The following SPTBN2 variants were observed in gnomAD, a reference collection of about 807,000 sequenced individuals.
The protein encoded by SPTBN2 is spectrin beta, non-erythrocytic 2.
Under a neutral mutation model 284.2 loss-of-function variants are expected in SPTBN2, and 107 were observed. That is an observed-to-expected ratio of 0.38 (90% confidence interval 0.32 to 0.44). SPTBN2 has a LOEUF of 0.44. Ranked by LOEUF, SPTBN2 falls within the 20% of genes least tolerant of loss-of-function variation. The pLI, the probability that SPTBN2 is intolerant of heterozygous loss-of-function variation, is 1.00. For missense variants in SPTBN2, 2,569 were observed against 3,287.1 expected, an observed-to-expected ratio of 0.78 and a Z score of 5.34; for synonymous variants, 1,289 against 1,354.8, an observed-to-expected ratio of 0.95 and a Z score of 1.07.
chr11:66,686,896 C>T (rs1345505641), intron 36 of SPTBN2, 98 bp downstream of exon 36: 5 of 1,544,734 alleles, frequency 3.2e-6, no homozygotes, highest in African/African-American at 2.7e-5. Context: ...CACTCAGGCT[C>T]CTTACAGGAA....
At chr11:66,686,602 T>A (rs1006268256) in intron 36 of SPTBN2, 162 bp from the exon 37 acceptor site, 10 of 795,166 alleles carry the variant, frequency 1.3e-5, no homozygotes, top group Admixed American at 8.4e-5. Context: ...TTCCCCAGAC[T>A]GTGCAGAAGC....
intron 1 of SPTBN2, among the ~76,000 whole-genome samples, chr11:66,734,375 A>G (rs1565166295): frequency 1.3e-5 from 2 of 152,164 alleles, no homozygotes; most frequent in Non-Finnish European, 2.9e-5. Flanking sequence ...CAAAGTCCAA[A>G]GTTCTTAACC....
At position 66,715,873 on chromosome 11, in the gene SPTBN2, C is replaced by T. The variant is rs374485184; in HGVS notation, c.266G>A (p.Arg89His). ...GDLYSDLRDG[R>H]NLLRLLEVLS... ...CACCTCGAGGAGCCTCAGCAGGTTG[C>T]GTCCGTCCCGGAGGTCGCTGTACAG... The change falls in exon 4 of 38, where the codon CGC becomes CAC. Residue 89 changes from arginine to histidine, a missense_variant. Coordinates refer to ENST00000533211, the MANE Select transcript of SPTBN2 (RefSeq NM_006946.4). This position sits in a 1 kb window ranked among gnomAD's most constrained non-coding sequence, Gnocchi z 5.3. 1.4e-5 allele frequency: 23 copies of T among 1,614,104 alleles called. No individual in the cohort carries two copies. The highest frequency in any genetic ancestry group is 1.7e-4 in the Middle Eastern group (1 of 6,060).
At chr11:66,738,848 G>C (rs1482488626) in intron 1 of SPTBN2, among the ~76,000 whole-genome samples, 1 of 148,572 alleles carries the variant, frequency 6.7e-6, no homozygotes, top group Non-Finnish European at 1.5e-5. Flanking sequence ...GTCTCACTCT[G>C]TTGCCCAGGC....
At chr11:66,742,588 T>C (rs1282804314) in intron 1 of SPTBN2, among the ~76,000 whole-genome samples, 2 of 151,990 alleles carry the variant, frequency 1.3e-5, no homozygotes, top group Admixed American at 6.6e-5. Context: ...GAGCATTTTC[T>C]GCTGGGCCAA....
Position 66,693,679 on chromosome 11 carries a change from C to A in SPTBN2, c.4593+93G>T. Reference sequence around the variant, plus strand: ...AGCCACTGAAGTCCAGGGTTACACTCAGCATCGAGGGGGGCCTGGTCTTAA... The same window carrying A: ...AGCCACTGAAGTCCAGGGTTACACTAAGCATCGAGGGGGGCCTGGTCTTAA... On this transcript the variant is annotated intron_variant, in intron 23 of 37. Transcript: ENST00000533211. The surrounding 1 kb of genome is among the most constrained non-coding windows in gnomAD (Gnocchi z 5.7). 2 of 1,371,568 alleles carry A rather than the reference C, an allele frequency of 1.5e-6. No homozygotes were observed. The allele number at this position is 1,371,568 out of a possible 1,614,324, so 85.0% of individuals were successfully genotyped here.
Position 66,683,063 on chromosome 11 carries a change from ATT to A in SPTBN2, c.*2806_*2807del, listed in dbSNP as rs55950324. Reference sequence around the variant, plus strand: ...ACCACCATGCCTGGCCAAGTAATCCATTTTTTTTTTTTTTTTTTTTTTGAGAT... The same window carrying A: ...ACCACCATGCCTGGCCAAGTAATCCATTTTTTTTTTTTTTTTTTTTGAGAT... On this transcript the variant is annotated 3_prime_UTR_variant, in exon 38 of 38. Coordinates refer to ENST00000533211, the MANE Select transcript of SPTBN2 (RefSeq NM_006946.4). Among the ~76,000 whole-genome samples, 1 of 95,728 alleles carries A rather than the reference ATT, an allele frequency of 1.0e-5. No individual in the cohort carries two copies. The highest frequency in any genetic ancestry group is 4.5e-5 in the African/African-American group (1 of 22,258). The allele number at this position is 95,728 out of a possible 152,430, so 62.8% of individuals were successfully genotyped here.
chr11:66,704,887 G>T lies in SPTBN2; in HGVS notation c.2389C>A (p.Arg797=). The T allele has an allele frequency of 1.2e-6, 2 of 1,611,334 alleles. No individual in the cohort carries two copies. The highest frequency in any genetic ancestry group is 1.1e-5 in the South Asian group (1 of 91,088). ...RQHRALEEEI[R]SHRPTLDALR... ...GCGTCCAGGGTTGGCCGGTGGCTTC[G>T]AATCTCCTCCTCCAGGGCCCGATGC... Residue 797 remains arginine, a synonymous_variant, in exon 15 of 38, where the codon CGA becomes AGA. Coordinates refer to ENST00000533211, the MANE Select transcript of SPTBN2 (RefSeq NM_006946.4).
chr11:66,716,703 A>C (rs1034193066), intron 3 of SPTBN2, among the ~76,000 whole-genome samples: 8 of 152,300 alleles, frequency 5.3e-5, no homozygotes, highest in Non-Finnish European at 1.0e-4. Context: ...TGTTGATTAA[A>C]TGAGATAAGG....
rs200427839 is a variant in SPTBN2 at position 66,700,702 on chromosome 11, G to A, written c.3397C>T (p.Arg1133Trp). ...AGGCACTGGGGGTCAGCCTGGTCCCGGGTCACCTCCTCGCCCAGGGCTCGC... is the reference window on the plus strand; with the variant it reads ...AGGCACTGGGGGTCAGCCTGGTCCCAGGTCACCTCCTCGCCCAGGGCTCGC... ...RLRALGEEVT[R>W]DQADPQCLFL... The change falls in exon 17 of 38, where the codon CGG (arginine) becomes TGG (tryptophan). Residue 1133 changes from arginine to tryptophan, a missense_variant. By Grantham distance (101) the Arg-to-Trp change is moderately radical. This residue lies in a region of SPTBN2 where 1,012 missense variants were observed against 1,248.9 expected (regional missense o/e 0.81). Transcript: ENST00000533211. This position sits in a 1 kb window ranked among gnomAD's most constrained non-coding sequence, Gnocchi z 6.6. 155 of 1,605,386 alleles carry A rather than the reference G, an allele frequency of 9.7e-5. No homozygotes were observed. The highest frequency in any genetic ancestry group is 6.7e-4 in the East Asian group (30 of 44,868).
chr11:66,725,169 C>G (rs925969060), intron 1 of SPTBN2, among the ~76,000 whole-genome samples: 2 of 152,212 alleles, frequency 1.3e-5, no homozygotes, highest in East Asian at 1.9e-4. Flanking sequence ...GATCAGGAAC[C>G]AAGCTGGCAC....
Position 66,708,979 on chromosome 11 carries a change from T to C in SPTBN2, c.1114A>G (p.Ile372Val), listed in dbSNP as rs1941714724. The part of the protein sequence containing the change: ...KGNLEVLLFT[I>V]QSKLRANNQK... ...TTGTTGGCCCGAAGCTTGCTCTGGA[T>C]GGTGAAGAGCAGCACTTCCAAGTTC... The change falls in exon 11 of 38, where the codon ATC (isoleucine) becomes GTC (valine). Residue 372 changes from isoleucine to valine, a missense_variant. Ile to Val is a conservative substitution (Grantham distance 29). Coordinates refer to ENST00000533211, the MANE Select transcript of SPTBN2 (RefSeq NM_006946.4). This position sits in a 1 kb window ranked among gnomAD's most constrained non-coding sequence, Gnocchi z 4.4. 6.2e-7 allele frequency: 1 copy of C among 1,613,802 alleles called. No individual in the cohort carries two copies. The highest frequency in any genetic ancestry group is 1.3e-5 in the African/African-American group (1 of 74,936).
At position 66,691,664 on chromosome 11, in the gene SPTBN2, A is replaced by G. The variant is rs776853240; in HGVS notation, c.5191-6T>C. On this transcript the variant is annotated splice_polypyrimidine_tract_variant and splice_region_variant and intron_variant, in intron 26 of 37. Coordinates refer to ENST00000533211, the MANE Select transcript of SPTBN2 (RefSeq NM_006946.4). The surrounding 1 kb of genome is among the most constrained non-coding windows in gnomAD (Gnocchi z 8.0). Reference sequence around the variant, plus strand: ...CGGAATTTGTCTCGGAGCATCTGGTAGAGGAAGCAGATGGACAGACCATGC... The same window carrying G: ...CGGAATTTGTCTCGGAGCATCTGGTGGAGGAAGCAGATGGACAGACCATGC... 8.7e-6 allele frequency: 14 copies of G among 1,613,514 alleles called. No homozygotes were observed. Among genetic ancestry groups the G allele is most frequent in the African/African-American group, 1.3e-5 (1 of 75,068 alleles).
chr11:66,743,270 C>G (rs991057359), intron 1 of SPTBN2, among the ~76,000 whole-genome samples: 1 of 152,148 alleles, frequency 6.6e-6, no homozygotes, highest in African/African-American at 2.4e-5. Context: ...CTGTGAGCAA[C>G]TGAGATGGGG....
Position 66,721,184 on chromosome 11 carries a change from G to C in SPTBN2, c.57C>G (p.Tyr19Ter). 1 of 1,614,164 alleles carries C rather than the reference G, an allele frequency of 6.2e-7. No homozygotes were observed. Among genetic ancestry groups the C allele is most frequent in the Non-Finnish European group, 8.5e-7 (1 of 1,180,016 alleles). ...GGTCCCAGCGGTTGTTGATGTCACT[G>C]TACTGGCCCTGGATTTCCAAGCTGT... The part of the protein sequence containing the change: ...DFDSLEIQGQ[Y>*]SDINNRWDLP... Residue 19 changes from tyrosine to a stop codon, truncating the protein, a stop_gained, in exon 3 of 38, where the codon TAC (tyrosine) becomes TAG (stop). Transcript: ENST00000533211. LOFTEE classifies it high-confidence loss of function.
intron 1 of SPTBN2, among the ~76,000 whole-genome samples, chr11:66,741,221 T>C (rs1942893557): frequency 6.6e-6 from 1 of 152,196 alleles, no homozygotes; most frequent in South Asian, 2.1e-4. Flanking sequence ...AATTCAATCA[T>C]GGGGGCAGTT....
chr11:66,721,773 C>T (rs752111174), intron 1 of SPTBN2, among the ~76,000 whole-genome samples: 11 of 152,166 alleles, frequency 7.2e-5, no homozygotes, highest in Admixed American at 1.3e-4. Flanking sequence ...TTGTTGGGCG[C>T]GGTGGCTCAC....
chr11:66,733,437 G>A (rs180696777), upstream of SPTBN2, among the ~76,000 whole-genome samples: 332 of 152,250 alleles, frequency 2.2e-3, no homozygotes, highest in African/African-American at 7.4e-3. Context: ...GAGGAAAAAG[G>A]GTTAGTCAAG....
chr11:66,689,246 A>C, intron 29 of SPTBN2, 66 bp from the exon 30 acceptor site: 1 of 1,497,808 alleles, frequency 6.7e-7, no homozygotes, highest in Non-Finnish European at 9.1e-7. Flanking sequence ...GCCCCTGGGG[A>C]GTCATCCAGG....
Sources: allele counts gnomAD v4.1 joint callset (sites outside exome capture counted in the v4.1 genomes callset), GRCh38; gene constraint gnomAD v4.1.1; regional missense constraint gnomAD v4.1.1; non-coding constraint Gnocchi (gnomAD v3.1); transcripts MANE v1.5; gene names NCBI Gene and HGNC (gene_info 2026-07-23, HGNC 2026-07-21).